Variants in FYCO1 observed in about 807,000 individuals in gnomAD.
The protein encoded by FYCO1 is FYVE and coiled-coil domain-containing protein 1.
FYCO1 carries 122 observed loss-of-function variants against 165.1 expected under a neutral mutation model. The ratio of observed to expected loss-of-function variants is 0.74; its 90% CI spans 0.64 to 0.86. The LOEUF (loss-of-function observed/expected upper bound fraction) is 0.86, where lower values mean the gene tolerates loss of function less well. Among genes scored for constraint, FYCO1 ranks in the 40% least tolerant of loss-of-function variants. The pLI is 0.00. For missense variants in FYCO1, 1,702 were observed against 1,810.3 expected, an observed-to-expected ratio of 0.94 and a Z score of 1.09; for synonymous variants, 648 against 742.5, an observed-to-expected ratio of 0.87 and a Z score of 2.07.
rs145974662 is a variant in FYCO1, at chr3:45,949,880, G to A, written c.3944+5369C>T. ...CCTCAGCCACTAATTGATCCTATGC[G>A]TCTGGGCCCTTACCTGCCACTCTTT... On this transcript the variant is annotated intron_variant, in intron 14 of 17. Coordinates refer to ENST00000296137, the MANE Select transcript of FYCO1 (RefSeq NM_024513.4). Among the ~76,000 whole-genome samples the A allele has an allele frequency of 1.2e-4, 19 of 152,242 alleles. No homozygotes were observed. In the East Asian group the frequency reaches 1.9e-3, roughly 15 times the overall value.
At chr3:45,974,072 A>G (rs2125860362) in intron 5 of FYCO1, among the ~76,000 whole-genome samples, 1 of 152,100 alleles carries the variant, frequency 6.6e-6, no homozygotes, top group Non-Finnish European at 1.5e-5. Flanking sequence ...CCCCTACCCC[A>G]ACCCTTGCCC....
chr3:45,927,271 C>G (rs1214965963), intron 16 of FYCO1, among the ~76,000 whole-genome samples: 2 of 152,180 alleles, frequency 1.3e-5, no homozygotes, highest in Non-Finnish European at 1.5e-5. Flanking sequence ...CACCCTTGTT[C>G]TAGGCCATTA....
chr3:45,943,577 G>T (rs907781525), intron 14 of FYCO1: 1 of 152,212 alleles, frequency 6.6e-6, no homozygotes, highest in Non-Finnish European at 1.5e-5. Flanking sequence ...TTGAAAAGAA[G>T]ACAGGGAGGA....
intron 13 of FYCO1, among the ~76,000 whole-genome samples, chr3:45,956,518 C>G (rs1007415654): frequency 3.9e-5 from 6 of 152,174 alleles, no homozygotes; most frequent in Non-Finnish European, 8.8e-5. Flanking sequence ...AAGTTCCCAC[C>G]TGGACCTGCC....
In FYCO1 at chr3:45,921,797, G is replaced by A; in HGVS notation, c.4405C>T (p.Pro1469Ser). The A allele has an allele frequency of 6.2e-7, 1 of 1,612,972 alleles. No homozygotes were observed. The highest frequency in any genetic ancestry group is 1.1e-5 in the South Asian group (1 of 91,068). ...AAATCACTTCCATCGTAGATCACAG[G>A]CCGATCAACCGTCAAGTGATAAAAT... ...KVFYHLTVDR[P>S]VIYDGSDFL Residue 1469 changes from proline to serine, a missense_variant, in exon 18 of 18, where the codon CCT (proline) becomes TCT (serine). By Grantham distance (74) the Pro-to-Ser change is moderately conservative. Transcript: ENST00000296137.
chr3:45,967,700 T>C lies in FYCO1; in HGVS notation c.1634A>G (p.His545Arg), dbSNP rs185520487. Residue 545 changes from histidine to arginine, a missense_variant, in exon 8 of 18, where the codon CAC (histidine) becomes CGC (arginine). Transcript: ENST00000296137. ...QKKQLIQDKD[H>R]LSQQVGMLER... ...GAGCATACCCACCTGCTGGCTGAGG[T>C]GGTCTTTGTCCTGAATGAGCTGCTT... 1.2e-6 allele frequency: 2 copies of C among 1,613,602 alleles called. No individual in the cohort carries two copies. The highest frequency in any genetic ancestry group is 1.3e-5 in the African/African-American group (1 of 75,016).
At chr3:45,976,506 C>T (rs1387307646) in intron 4 of FYCO1, among the ~76,000 whole-genome samples, 4 of 152,224 alleles carry the variant, frequency 2.6e-5, no homozygotes, top group Non-Finnish European at 2.9e-5. Flanking sequence ...CCACAAGCAC[C>T]TGCTCTCTCA....
chr3:45,924,026 A>ACATAGAAGATGCTAGCTCATC (rs1703208758), intron 16 of FYCO1, among the ~76,000 whole-genome samples: 1 of 152,202 alleles, frequency 6.6e-6, no homozygotes, highest in Non-Finnish European at 1.5e-5. Context: ...CTAGCCTTGA[A>ACATAGAAGATGCTAGCTCATC]CATAGAAGAT....
chr3:45,925,777 G>C (rs990713676), intron 16 of FYCO1, among the ~76,000 whole-genome samples: 1 of 152,122 alleles, frequency 6.6e-6, no homozygotes, highest in African/African-American at 2.4e-5. Context: ...CTAGCATCTG[G>C]GTGGGAGAGA....
In FYCO1 at chr3:45,968,176, C is replaced by G. The variant is rs1706204860; in HGVS notation, c.1158G>C (p.Lys386Asn). ...CACTGGGAATAGGTTCTTGCCGGCC[C>G]TTTGTGTCTGATGCCGTATCTGCCT... ...QQKADTASDT[K>N]GRQEPIPSDA... is the part of the protein sequence containing the mutation. Residue 386 changes from lysine (K) to asparagine (N), a missense_variant, in exon 8 of 18, where the codon AAG becomes AAC. By Grantham distance (94) the Lys-to-Asn change is moderately conservative (BLOSUM62 0). Coordinates refer to ENST00000296137, the MANE Select transcript of FYCO1 (RefSeq NM_024513.4). 1 of 1,614,096 alleles carries G rather than the reference C, an allele frequency of 6.2e-7. No individual in the cohort carries two copies. The highest frequency in any genetic ancestry group is 8.5e-7 in the Non-Finnish European group (1 of 1,180,046).
intron 4 of FYCO1, among the ~76,000 whole-genome samples, chr3:45,975,929 C>T (rs776241451): frequency 2.0e-5 from 3 of 152,134 alleles, no homozygotes; most frequent in Admixed American, 1.3e-4. Context: ...TGAGTGCGGC[C>T]GTGTAACTGC....
At chr3:45,924,747 G>A (rs1234128858) in intron 16 of FYCO1, among the ~76,000 whole-genome samples, 1 of 151,410 alleles carries the variant, frequency 6.6e-6, no homozygotes, top group Non-Finnish European at 1.5e-5. Context: ...CGAGTAGTAG[G>A]GATTACAGGC....
chr3:45,959,344 C>T (rs1390487697), intron 12 of FYCO1, 49 bp downstream of exon 12: 4 of 1,607,460 alleles, frequency 2.5e-6, no homozygotes, highest in Non-Finnish European at 3.4e-6. Flanking sequence ...CTGCTCTGGT[C>T]CTGGGCCCCA....
In FYCO1 at chr3:45,966,395, G is replaced by A. The variant is rs148054715; in HGVS notation, c.2939C>T (p.Ala980Val). The stretch of plus-strand genomic sequence containing the variant: ...CCGCTGCTCTGCCTGGGCGAGCTGG[G>A]CCTGCAGGCCAGGCAGTGAGCCGGC... ...AAAGSLPGLQ[A>V]QLAQAEQRAQ... The change falls in exon 8 of 18, where the codon GCC (alanine) becomes GTC (valine). Residue 980 changes from alanine (A) to valine (V), a missense_variant. Coordinates refer to ENST00000296137, the MANE Select transcript of FYCO1 (RefSeq NM_024513.4). The A allele has an allele frequency of 1.9e-6, 3 of 1,613,808 alleles. No homozygotes were observed. Among genetic ancestry groups the A allele is most frequent in the Non-Finnish European group, 2.5e-6 (3 of 1,179,734 alleles).
In FYCO1 at chr3:45,958,481, T is replaced by C. The variant is rs1383046606; in HGVS notation, c.3726A>G (p.Ser1242=). The part of the protein sequence containing the change: ...EGPGSPDSSG[S]GTSQGEPSPA... The stretch of plus-strand genomic sequence containing the variant: ...GGCTGGGCTCTCCCTGGCTAGTGCC[T>C]GAGCCACTGCTATCAGGGGAGCCAG... The change falls in exon 13 of 18, where the codon TCA becomes TCG. Residue 1242 remains serine, a synonymous_variant. Coordinates refer to ENST00000296137, the MANE Select transcript of FYCO1 (RefSeq NM_024513.4). 3 of 1,613,784 alleles carry C rather than the reference T, an allele frequency of 1.9e-6. No individual in the cohort carries two copies. Among genetic ancestry groups the C allele is most frequent in the Non-Finnish European group, 2.5e-6 (3 of 1,180,028 alleles).
intron 1 of FYCO1, among the ~76,000 whole-genome samples, chr3:45,994,111 C>T (rs1707684001): frequency 6.6e-6 from 1 of 152,042 alleles, no homozygotes; most frequent in Non-Finnish European, 1.5e-5. Context: ...AAACTTGGCT[C>T]CTGAAATTAT....
intron 4 of FYCO1, 106 bp downstream of exon 4, chr3:45,979,598 TA>T: frequency 7.2e-7 from 1 of 1,398,286 alleles, no homozygotes; most frequent in Non-Finnish European, 1.0e-6. Flanking sequence ...TTACCACCCA[TA>T]AACTCCCACT....
At position 45,979,713 on chromosome 3, in the gene FYCO1, T is replaced by G. The variant is rs755356775; in HGVS notation, c.280A>C (p.Ile94Leu). The G allele has an allele frequency of 1.9e-5, 30 of 1,613,856 alleles. No homozygotes were observed. The highest frequency in any genetic ancestry group is 2.5e-5 in the Non-Finnish European group (30 of 1,179,880). The part of the protein sequence containing the change: ...ANDGIRFVKS[I>L]SELRTSLGKG... The stretch of plus-strand genomic sequence containing the variant: ...CTGCTTGCTCAGCTTACCTCTGAGA[T>G]AGACTTGACAAAGCGGATCCCATCA... The change falls in exon 4 of 18, where the codon ATC (isoleucine) becomes CTC (leucine). Residue 94 changes from isoleucine to leucine, a missense_variant. Coordinates refer to ENST00000296137, the MANE Select transcript of FYCO1 (RefSeq NM_024513.4).
chr3:45,944,789 C>T (rs773230537), intron 14 of FYCO1, among the ~76,000 whole-genome samples: 3 of 152,078 alleles, frequency 2.0e-5, no homozygotes, highest in African/African-American at 4.8e-5. Context: ...CAAAAAAAGG[C>T]GAGAGCGAGT....
Sources: allele counts gnomAD v4.1 joint callset (sites outside exome capture counted in the v4.1 genomes callset), GRCh38; gene constraint gnomAD v4.1.1; transcripts MANE v1.5; gene names NCBI Gene and HGNC (gene_info 2026-07-23, HGNC 2026-07-21).